The following DLG2 variants were observed in gnomAD, a reference collection of about 807,000 sequenced individuals.
DLG2 encodes discs large MAGUK scaffold protein 2.
In DLG2, 45 loss-of-function variants were observed where a neutral mutation model predicts 132.5. That is an observed-to-expected ratio of 0.34 (90% CI 0.27 to 0.44). DLG2 has a LOEUF of 0.44. Ranked by LOEUF, DLG2 falls within the 20% of genes least tolerant of loss-of-function variation. DLG2 has a pLI of 1.00. For synonymous variants in DLG2, 424 were observed against 419.6 expected, an observed-to-expected ratio of 1.01 and a Z score of -0.13; for missense variants, 1,045 against 1,196.9, an observed-to-expected ratio of 0.87 and a Z score of 1.87.
At chr11:83,762,793 G>C (rs1444164593) in intron 18 of DLG2, among the ~76,000 whole-genome samples, 1 of 152,154 alleles carries the variant, frequency 6.6e-6, no homozygotes, top group Non-Finnish European at 1.5e-5. Context: ...ATGTTAACCA[G>C]GATGGTCTCG....
chr11:84,713,513 G>C (rs1335296571), intron 6 of DLG2, among the ~76,000 whole-genome samples: 4 of 151,920 alleles, frequency 2.6e-5, no homozygotes, highest in Non-Finnish European at 5.9e-5. Flanking sequence ...TGGATTTTTT[G>C]CATATTAGGT....
chr11:85,503,193 C>T (rs537420862), intron 3 of DLG2, among the ~76,000 whole-genome samples: 1 of 152,104 alleles, frequency 6.6e-6, no homozygotes, highest in African/African-American at 2.4e-5. Context: ...TACACTGTAC[C>T]ATTATATTTT....
At chr11:84,267,365 T>A (rs1173725671) in intron 7 of DLG2, among the ~76,000 whole-genome samples, 1 of 152,210 alleles carries the variant, frequency 6.6e-6, no homozygotes, top group Non-Finnish European at 1.5e-5. Context: ...TGGAAGGGGA[T>A]AGGAGTTAAG....
intron 18 of DLG2, among the ~76,000 whole-genome samples, chr11:83,718,877 A>T (rs1360145491): frequency 6.6e-6 from 1 of 152,196 alleles, no homozygotes; most frequent in African/African-American, 2.4e-5. Context: ...CAATCCAGTC[A>T]CCAGGCAAGT....
chr11:84,018,193 G>A (rs921365685), intron 11 of DLG2, among the ~76,000 whole-genome samples: 1 of 151,786 alleles, frequency 6.6e-6, no homozygotes, highest in South Asian at 2.1e-4. Context: ...ATATTAAACT[G>A]CTAGGTATTA....
At chr11:83,767,942 A>G (rs1411726371) in intron 18 of DLG2, among the ~76,000 whole-genome samples, 1 of 152,196 alleles carries the variant, frequency 6.6e-6, no homozygotes, top group Non-Finnish European at 1.5e-5. Context: ...AAGTAGCAGA[A>G]GCACTGCATT....
intron 3 of DLG2, among the ~76,000 whole-genome samples, chr11:85,547,524 T>C (rs975802779): frequency 2.6e-5 from 4 of 152,224 alleles, no homozygotes; most frequent in Admixed American, 6.5e-5. Flanking sequence ...AATTTGAATG[T>C]TGGTCTGCCT....
chr11:84,420,305 A>C (rs183574141), intron 7 of DLG2, among the ~76,000 whole-genome samples: 142 of 152,350 alleles, frequency 9.3e-4, no homozygotes, highest in African/African-American at 3.4e-3. Context: ...ACCTGCTTAG[A>C]TAACCAACTC....
intron 7 of DLG2, among the ~76,000 whole-genome samples, chr11:84,308,658 C>T (rs1350059689): frequency 6.6e-6 from 1 of 152,082 alleles, no homozygotes. Context: ...GGGGGAGGCT[C>T]AGGCATGGTC....
At chr11:84,740,278 G>C (rs376940766) in intron 6 of DLG2, among the ~76,000 whole-genome samples, 9 of 152,054 alleles carry the variant, frequency 5.9e-5, no homozygotes, top group African/African-American at 2.2e-4. Flanking sequence ...CTTCCAAGCA[G>C]ATCAGCACAA....
chr11:85,598,651 A>G lies in DLG2; in HGVS notation c.40+6T>C, dbSNP rs2079949119. On this transcript the variant is annotated splice_donor_region_variant and intron_variant, in intron 3 of 27. Transcript: ENST00000376104. The stretch of plus-strand genomic sequence containing the variant: ...TAAAATGATGAATAACTTTCATAAT[A>G]CATACCTAGCAAAGCTTGGAATAAG... The G allele has an allele frequency of 1.9e-6, 3 of 1,561,522 alleles. No homozygotes were observed. The East Asian group carries it at 7.3e-5, about 38-fold the overall frequency.
At position 85,064,339 on chromosome 11, in the gene DLG2, A is replaced by G. The variant is rs2064554054; in HGVS notation, c.357+47322T>C. Among the ~76,000 whole-genome samples the G allele has an allele frequency of 2.0e-5, 3 of 151,900 alleles. No individual in the cohort carries two copies. In the South Asian group the frequency reaches 6.2e-4, roughly 31 times the overall value. On this transcript the variant is annotated intron_variant, in intron 6 of 27. Coordinates refer to ENST00000376104, the MANE Select transcript of DLG2 (RefSeq NM_001142699.3). Reference sequence around the variant, plus strand: ...ATGAATACACTGAAAGGTCACTATAAAATGCACATTTGCCTATATATAAAA... The same window carrying G: ...ATGAATACACTGAAAGGTCACTATAGAATGCACATTTGCCTATATATAAAA...
At chr11:85,229,659 T>C (rs955124908) in intron 4 of DLG2, among the ~76,000 whole-genome samples, 21 of 152,134 alleles carry the variant, frequency 1.4e-4, no homozygotes, top group African/African-American at 5.1e-4. Flanking sequence ...CAAAGGCTTA[T>C]AAATCATTCT....
At chr11:84,757,047 G>A (rs1479333430) in intron 6 of DLG2, among the ~76,000 whole-genome samples, 1 of 152,090 alleles carries the variant, frequency 6.6e-6, no homozygotes, top group African/African-American at 2.4e-5. Context: ...AAATGATAAT[G>A]AACTAAGAAT....
chr11:84,902,490 CA>C (rs2091010391), intron 6 of DLG2, among the ~76,000 whole-genome samples: 1 of 152,134 alleles, frequency 6.6e-6, no homozygotes, highest in African/African-American at 2.4e-5. Flanking sequence ...CATTATCACT[CA>C]AAGTGCTTTC....
chr11:83,826,879 TGGGGACAA>T (rs2052971285), intron 17 of DLG2, among the ~76,000 whole-genome samples: 1 of 152,156 alleles, frequency 6.6e-6, no homozygotes, highest in African/African-American at 2.4e-5. Flanking sequence ...GTTTCACTTT[TGGGGACAA>T]GGTGAAATAA....
chr11:84,897,739 T>C (rs1167249764), intron 6 of DLG2, among the ~76,000 whole-genome samples: 5 of 152,002 alleles, frequency 3.3e-5, no homozygotes, highest in South Asian at 2.1e-4. Context: ...CTCAATTACA[T>C]AGTGTTTCCT....
Position 84,626,332 on chromosome 11 carries a change from A to G in DLG2, c.358-91601T>C, listed in dbSNP as rs187731236. On this transcript the variant is annotated intron_variant, in intron 6 of 27. Coordinates refer to ENST00000376104, the MANE Select transcript of DLG2 (RefSeq NM_001142699.3). ...TGATTCCTCTTTACTTCAAGACACA[A>G]CACTCCTAACTCTTGAAAGCTGGGG... 8.9e-4 allele frequency among the ~76,000 whole-genome samples: 136 copies of G among 152,226 alleles called. 1 individual carries two copies. The highest frequency in any genetic ancestry group is 3.2e-3 in the African/African-American group (133 of 41,538).
At chr11:84,919,883 G>A (rs142105348) in intron 6 of DLG2, among the ~76,000 whole-genome samples, 16 of 152,204 alleles carry the variant, frequency 1.1e-4, no homozygotes, top group African/African-American at 3.4e-4. Flanking sequence ...AACTGTGTAC[G>A]TGATGATCAC....
Sources: allele counts gnomAD v4.1 joint callset (sites outside exome capture counted in the v4.1 genomes callset), GRCh38; gene constraint gnomAD v4.1.1; transcripts MANE v1.5; gene names NCBI Gene and HGNC (gene_info 2026-07-23, HGNC 2026-07-21).